Variants in BCAS1 observed in about 807,000 individuals in gnomAD.
BCAS1 encodes breast carcinoma-amplified sequence 1.
A neutral mutation model predicts 65.4 loss-of-function variants in BCAS1; 46 were observed. That is an observed-to-expected ratio of 0.70 (90% CI 0.55 to 0.90). The LOEUF (loss-of-function observed/expected upper bound fraction) is 0.90, where lower values mean the gene tolerates loss of function less well. Among genes scored for constraint, BCAS1 ranks in the 40% least tolerant of loss-of-function variants. The pLI is 0.00. For missense variants in BCAS1, 793 were observed against 771.2 expected (o/e 1.03, Z -0.33); for synonymous variants, 298 against 293.5 (o/e 1.02, Z -0.16).
At chr20:54,000,290 A>G (rs2091026161) in intron 4 of BCAS1, among the ~76,000 whole-genome samples, 1 of 152,154 alleles carries the variant, frequency 6.6e-6, no homozygotes, top group African/African-American at 2.4e-5. Flanking sequence ...AATTCCTGCA[A>G]TGCCCAGGAC....
At chr20:53,995,157 C>A in intron 5 of BCAS1, 101 bp from the exon 6 acceptor site, 3 of 966,334 alleles carry the variant, frequency 3.1e-6, no homozygotes, top group East Asian at 2.4e-5. Flanking sequence ...GTTCACCATA[C>A]AGGTCAAGAA....
At chr20:54,037,557 G>A (rs1181281398) in intron 3 of BCAS1, among the ~76,000 whole-genome samples, 1 of 151,502 alleles carries the variant, frequency 6.6e-6, no homozygotes, top group Admixed American at 6.6e-5. Flanking sequence ...TTTTATTTAT[G>A]TATGACATTT....
intron 9 of BCAS1, among the ~76,000 whole-genome samples, chr20:53,967,403 G>A (rs184621710): frequency 5.3e-5 from 8 of 152,228 alleles, no homozygotes; most frequent in Admixed American, 3.3e-4. Context: ...AATCTGCCAC[G>A]TAGGTGAATT....
intron 3 of BCAS1, among the ~76,000 whole-genome samples, chr20:54,050,187 C>A (rs1409943741): frequency 6.6e-6 from 1 of 152,192 alleles, no homozygotes; most frequent in Non-Finnish European, 1.5e-5. Context: ...CCTTTTCCTA[C>A]TCCAACCCTT....
At chr20:54,025,512 A>G (rs1317833276) in intron 4 of BCAS1, among the ~76,000 whole-genome samples, 1 of 152,204 alleles carries the variant, frequency 6.6e-6, no homozygotes, top group African/African-American at 2.4e-5. Flanking sequence ...AGGCACAAAA[A>G]TAAGATTGTC....
chr20:53,972,635 AT>A (rs896758723), intron 9 of BCAS1, among the ~76,000 whole-genome samples: 2 of 152,054 alleles, frequency 1.3e-5, no homozygotes, highest in Admixed American at 6.5e-5. Flanking sequence ...TTCTTTTTAA[AT>A]TTTTTTTCAA....
At chr20:54,041,692 G>T (rs547004836) in intron 3 of BCAS1, among the ~76,000 whole-genome samples, 1 of 152,028 alleles carries the variant, frequency 6.6e-6, no homozygotes, top group East Asian at 1.9e-4. Flanking sequence ...GACCAGCCTG[G>T]CCAACATGGT....
At chr20:54,005,116 C>T (rs2091152271) in intron 4 of BCAS1, among the ~76,000 whole-genome samples, 1 of 152,084 alleles carries the variant, frequency 6.6e-6, no homozygotes, top group Non-Finnish European at 1.5e-5. Context: ...TGCTTGGAGC[C>T]TTATGGTGGA....
chr20:54,003,748 A>G (rs2091117077), intron 4 of BCAS1, among the ~76,000 whole-genome samples: 1 of 152,266 alleles, frequency 6.6e-6, no homozygotes, highest in African/African-American at 2.4e-5. Context: ...CTGAAGCTTC[A>G]TAAAACTAAA....
intron 1 of BCAS1, among the ~76,000 whole-genome samples, chr20:54,061,678 C>A (rs2092378487): frequency 1.3e-5 from 2 of 152,160 alleles, no homozygotes; most frequent in Non-Finnish European, 2.9e-5. Flanking sequence ...TAATACATAA[C>A]CAAATCTGGG....
chr20:54,047,782 C>T (rs1464817442), intron 3 of BCAS1, among the ~76,000 whole-genome samples: 1 of 152,182 alleles, frequency 6.6e-6, no homozygotes, highest in Non-Finnish European at 1.5e-5. Context: ...GTACACTCCA[C>T]AGAGTGGGAG....
At chr20:53,955,252 A>T (rs1432139167) in intron 11 of BCAS1, among the ~76,000 whole-genome samples, 2 of 152,218 alleles carry the variant, frequency 1.3e-5, no homozygotes, top group Non-Finnish European at 2.9e-5. Context: ...AGAGGGCAGA[A>T]GTCCTTGGAG....
chr20:53,959,990 G>A (rs1293391373), intron 10 of BCAS1, among the ~76,000 whole-genome samples: 3 of 152,180 alleles, frequency 2.0e-5, no homozygotes, highest in Non-Finnish European at 4.4e-5. Flanking sequence ...GGACACGTAA[G>A]GATTTCATTC....
At chr20:53,983,340 C>T (rs1012050312) in intron 8 of BCAS1, among the ~76,000 whole-genome samples, 6 of 152,282 alleles carry the variant, frequency 3.9e-5, no homozygotes, top group South Asian at 4.1e-4. Flanking sequence ...GAGGTTTTAC[C>T]ATCATTATTT....
At chr20:54,008,541 T>C (rs2091251899) in intron 4 of BCAS1, among the ~76,000 whole-genome samples, 1 of 152,172 alleles carries the variant, frequency 6.6e-6, no homozygotes, top group Non-Finnish European at 1.5e-5. Context: ...CAATGGAGGC[T>C]GGTGAGAAAC....
In BCAS1 at chr20:53,944,093, T is replaced by C. The variant is rs1380730193; in HGVS notation, c.*829A>G. On this transcript the variant is annotated 3_prime_UTR_variant, in exon 13 of 13. Coordinates refer to ENST00000688948, the MANE Select transcript of BCAS1 (RefSeq NM_001366298.2). ...CATCAATAACTTACAAGGACCCTAT[T>C]TGAAAAACAACGCTTATTCATTCCT... 1 of 152,116 alleles carries C rather than the reference T, an allele frequency of 6.6e-6. No individual in the cohort carries two copies. The highest frequency in any genetic ancestry group is 6.6e-5 in the Admixed American group (1 of 15,264). The allele number at this position is 152,116 out of a possible 1,614,324, so 9.4% of individuals were successfully genotyped here. A position where few individuals can be genotyped will look rare whatever the true frequency, so the allele number is the denominator to read the frequency against.
At chr20:54,015,183 C>T (rs1442351402) in intron 4 of BCAS1, among the ~76,000 whole-genome samples, 3 of 152,094 alleles carry the variant, frequency 2.0e-5, no homozygotes, top group African/African-American at 4.8e-5. Flanking sequence ...AGGCATGTGC[C>T]ACCATGCCCG....
At position 54,058,680 on chromosome 20, in the gene BCAS1, G is replaced by C; in HGVS notation, c.39C>G (p.Asp13Glu). 3 of 1,601,702 alleles carry C rather than the reference G, an allele frequency of 1.9e-6. No homozygotes were observed. The highest frequency in any genetic ancestry group is 2.6e-6 in the Non-Finnish European group (3 of 1,175,794). Residue 13 changes from aspartate to glutamate, a missense_variant, in exon 2 of 13, where the codon GAC (aspartate) becomes GAG (glutamate). Physicochemically the swap from Asp to Glu is conservative, Grantham distance 45. Transcript: ENST00000688948. ...NQMSVPQRVE[D>E]QENEPEAETY... is the part of the protein sequence containing the mutation. ...TCTCTGCTTCTGGTTCATTCTCTTG[G>C]TCTTCAACTCTTTGGGGAACACTCA...
chr20:53,954,336 G>GAGAGAGAGAGAGAGA lies in BCAS1; in HGVS notation c.1552-642_1552-641insTCTCTCTCTCTCTCT, dbSNP rs1159772238. On this transcript the variant is annotated intron_variant, in intron 11 of 12. Transcript: ENST00000688948. Reference sequence around the variant, plus strand: ...GAGAGAGAGAGAGAGAGAGAGAGAGGGACCAGGCATTGATGGTATCATGCG... The same window carrying GAGAGAGAGAGAGAGA: ...GAGAGAGAGAGAGAGAGAGAGAGAGGAGAGAGAGAGAGAGAGACCAGGCATTGATGGTATCATGCG... 2.6e-3 allele frequency among the ~76,000 whole-genome samples: 215 copies of GAGAGAGAGAGAGAGA among 83,966 alleles called. 8 individuals carry two copies. The highest frequency in any genetic ancestry group is 7.2e-3 in the East Asian group (26 of 3,588). The allele number at this position is 83,966 out of a possible 152,430, so 55.1% of individuals were successfully genotyped here.
Sources: gnomAD v4.1 joint callset for allele counts (sites outside exome capture counted in the v4.1 genomes callset) on GRCh38, gnomAD v4.1.1 for gene constraint, MANE v1.5 for transcripts, NCBI Gene and HGNC (gene_info 2026-07-23, HGNC 2026-07-21) for gene names.